MCTP2: variants seen among roughly 807,000 people sequenced by gnomAD.
MCTP2 encodes multiple C2 and transmembrane domain-containing protein 2.
MCTP2 carries 132 observed loss-of-function variants against 111.6 expected under a neutral mutation model. The observed-to-expected ratio is 1.18, with a 90% CI of 1.03 to 1.37. MCTP2 has a LOEUF of 1.37. Among genes scored for constraint, MCTP2 ranks in the 40% most tolerant of loss-of-function variants. MCTP2 has a pLI of 0.00. For synonymous variants in MCTP2, 395 were observed against 387.7 expected (o/e 1.02, Z -0.22); for missense variants, 1,183 against 1,067.9 (o/e 1.11, Z -1.50).
intron 1 of MCTP2, among the ~76,000 whole-genome samples, chr15:94,281,205 C>A (rs2074466610): frequency 6.6e-6 from 1 of 152,022 alleles, no homozygotes; most frequent in Non-Finnish European, 1.5e-5. Context: ...ATATCTAATT[C>A]TAGGCCTTTA....
intron 1 of MCTP2, among the ~76,000 whole-genome samples, chr15:94,243,040 T>C (rs1422797734): frequency 2.0e-5 from 2 of 98,584 alleles, no homozygotes; most frequent in Non-Finnish European, 4.5e-5. Flanking sequence ...CACATACACG[T>C]GTATATGTGT....
chr15:94,463,707 G>T (rs1015921351), intron 20 of MCTP2, among the ~76,000 whole-genome samples: 1 of 152,130 alleles, frequency 6.6e-6, no homozygotes, highest in Non-Finnish European at 1.5e-5. Context: ...GATGTTTGCT[G>T]TAGGTTATTG....
In MCTP2 at chr15:94,240,941, A is replaced by AT. The variant is rs2070900443; in HGVS notation, c.-66+9279dup. Among the ~76,000 whole-genome samples, 3 of 152,178 alleles carry AT rather than the reference A, an allele frequency of 2.0e-5. No individual in the cohort carries two copies. In the South Asian group the frequency reaches 6.2e-4, roughly 31 times the overall value. On this transcript the variant is annotated intron_variant, in intron 1 of 22. Coordinates refer to ENST00000357742, the MANE Select transcript of MCTP2 (RefSeq NM_001385001.1). Reference sequence around the variant, plus strand: ...CAGGAAAATTCTTGTGGTGCTATTGATTAGATCAAGGTACTTTTTTTGGTG... The same window carrying AT: ...CAGGAAAATTCTTGTGGTGCTATTGATTTAGATCAAGGTACTTTTTTTGGTG...
At chr15:94,271,152 A>G (rs1169317308) in intron 1 of MCTP2, among the ~76,000 whole-genome samples, 4 of 152,178 alleles carry the variant, frequency 2.6e-5, no homozygotes, top group Admixed American at 2.0e-4. Flanking sequence ...TGCATAAAAA[A>G]GTTATCCTTT....
At chr15:94,453,459 C>T (rs2084597443) in intron 19 of MCTP2, among the ~76,000 whole-genome samples, 1 of 152,186 alleles carries the variant, frequency 6.6e-6, no homozygotes, top group East Asian at 1.9e-4. Flanking sequence ...TGGCCACTGC[C>T]AGGGCCTGTA....
At chr15:94,332,120 C>T (rs2077158891) in intron 4 of MCTP2, among the ~76,000 whole-genome samples, 1 of 152,168 alleles carries the variant, frequency 6.6e-6, no homozygotes, top group Admixed American at 6.5e-5. Context: ...CCTTCTTTCT[C>T]AGATGGCCGA....
At position 94,394,258 on chromosome 15, in the gene MCTP2, C is replaced by A. The variant is rs1283292391; in HGVS notation, c.1789-4703C>A. 5.3e-5 allele frequency among the ~76,000 whole-genome samples: 8 copies of A among 151,858 alleles called. No individual in the cohort carries two copies. In the East Asian group the frequency reaches 1.6e-3, roughly 29 times the overall value. On this transcript the variant is annotated intron_variant, in intron 14 of 22. Transcript: ENST00000357742. ...CTTATCTGTCTGCATTTCTTTGTTG[C>A]TGAAGTGAAGATAAGTATCCTTCTG...
intron 4 of MCTP2, among the ~76,000 whole-genome samples, chr15:94,334,702 A>T (rs1033095434): frequency 1.3e-5 from 2 of 151,476 alleles, no homozygotes; most frequent in African/African-American, 4.9e-5. Context: ...CAACCAGCTA[A>T]TTTTTTGAAA....
At chr15:94,464,605 C>T (rs1295035845) in intron 20 of MCTP2, among the ~76,000 whole-genome samples, 1 of 151,738 alleles carries the variant, frequency 6.6e-6, no homozygotes, top group Non-Finnish European at 1.5e-5. Flanking sequence ...ATAATTAGAT[C>T]ACTTATTTTC....
At chr15:94,317,578 C>G (rs1305639903) in intron 4 of MCTP2, among the ~76,000 whole-genome samples, 1 of 152,228 alleles carries the variant, frequency 6.6e-6, no homozygotes, top group Admixed American at 6.5e-5. Flanking sequence ...CTGAGCTGCA[C>G]TGGCCATCTT....
At chr15:94,380,939 C>A (rs1214421346) in intron 12 of MCTP2, among the ~76,000 whole-genome samples, 1 of 152,188 alleles carries the variant, frequency 6.6e-6, no homozygotes, top group African/African-American at 2.4e-5. Context: ...TGGAAAATAG[C>A]AAAGGCTATT....
intron 17 of MCTP2, among the ~76,000 whole-genome samples, chr15:94,415,483 G>T (rs905856422): frequency 1.1e-4 from 16 of 152,184 alleles, no homozygotes; most frequent in Non-Finnish European, 2.4e-4. Context: ...GGCTTAAAAG[G>T]GTCCAAGGCT....
chr15:94,379,583 GAAATGAAA>G (rs2079984274), intron 12 of MCTP2, among the ~76,000 whole-genome samples: 1 of 151,508 alleles, frequency 6.6e-6, no homozygotes, highest in South Asian at 2.1e-4. Context: ...TGAGTAGAAT[GAAATGAAA>G]ACTACTGGTC....
At chr15:94,243,934 TAC>T (rs2071411553) in intron 1 of MCTP2, among the ~76,000 whole-genome samples, 1 of 146,766 alleles carries the variant, frequency 6.8e-6, no homozygotes, top group Admixed American at 6.7e-5. Context: ...CACATATGTG[TAC>T]ACATACATAT....
Position 94,367,644 on chromosome 15 carries a change from C to G in MCTP2, c.1341C>G (p.Ala447=). The G allele has an allele frequency of 6.2e-7, 1 of 1,609,718 alleles. No homozygotes were observed. The change falls in exon 11 of 23, where the codon GCC becomes GCG. Residue 447 remains alanine (A), a synonymous_variant. Coordinates refer to ENST00000357742, the MANE Select transcript of MCTP2 (RefSeq NM_001385001.1). ...VDISALPLKQ[A]NCLELPLDSC... ...TCTCGGCACTCCCTCTGAAGCAAGC[C>G]AACTGCCTGGAGCTGCCACTGGACA... is the stretch of plus-strand genomic sequence containing the variant.
At chr15:94,266,063 C>T (rs766422959) in intron 1 of MCTP2, among the ~76,000 whole-genome samples, 4 of 108,930 alleles carry the variant, frequency 3.7e-5, no homozygotes, top group African/African-American at 8.2e-5. Context: ...TACACATACA[C>T]GTGCATGCGT....
chr15:94,358,572 T>TG lies in MCTP2; in HGVS notation c.1265dup (p.Asp424GlyfsTer6). The TG allele has an allele frequency of 3.1e-6, 5 of 1,613,744 alleles. No homozygotes were observed. The highest frequency in any genetic ancestry group is 4.2e-6 in the Non-Finnish European group (5 of 1,179,772). ...GATGGGCATTTTGGACATTGAAGTG[T>TG]GGGGAAAGGACAACAAAAAGCATGA... On this transcript the variant is annotated frameshift_variant, in exon 10 of 23. Transcript: ENST00000357742. LOFTEE classifies it high-confidence loss of function.
At chr15:94,412,208 C>T (rs1022369542) in intron 17 of MCTP2, among the ~76,000 whole-genome samples, 35 of 152,002 alleles carry the variant, frequency 2.3e-4, no homozygotes, top group African/African-American at 6.8e-4. Flanking sequence ...TTACAATGCA[C>T]GGCTTGTATA....
chr15:94,469,534 A>G (rs544508056), intron 20 of MCTP2, among the ~76,000 whole-genome samples: 18 of 152,338 alleles, frequency 1.2e-4, no homozygotes, highest in African/African-American at 4.3e-4. Context: ...AATTCTAAAT[A>G]TAAGTAATCA....
Sources: allele counts gnomAD v4.1 joint callset (sites outside exome capture counted in the v4.1 genomes callset), GRCh38; gene constraint gnomAD v4.1.1; transcripts MANE v1.5; gene names NCBI Gene and HGNC (gene_info 2026-07-23, HGNC 2026-07-21).